Variants in LAMA1 observed in about 807,000 individuals in gnomAD.
LAMA1 encodes laminin subunit alpha 1.
In LAMA1, 219 loss-of-function variants were observed where a neutral mutation model predicts 348.7. The observed-to-expected ratio is 0.63, with a 90% confidence interval of 0.56 to 0.70. LAMA1 has a LOEUF of 0.70. LAMA1 is among the 30% of genes least tolerant of loss of function. The pLI, the probability that LAMA1 is intolerant of heterozygous loss-of-function variation, is 0.00. For missense variants in LAMA1, 3,744 were observed against 3,888.0 expected (o/e 0.96, Z 0.99); for synonymous variants, 1,487 against 1,491.0 (o/e 1.00, Z 0.06).
At chr18:6,988,917 C>T (rs1354423352) in intron 36 of LAMA1, among the ~76,000 whole-genome samples, 4 of 41,244 alleles carry the variant, frequency 9.7e-5, no homozygotes, top group East Asian at 6.0e-3. Flanking sequence ...AAAGAGTCAA[C>T]GTGGCGGGCT....
At chr18:7,072,143 T>A (rs965521752) in intron 3 of LAMA1, among the ~76,000 whole-genome samples, 1 of 152,354 alleles carries the variant, frequency 6.6e-6, no homozygotes, top group Non-Finnish European at 1.5e-5. Flanking sequence ...GAATAATTAT[T>A]GACTTATGAA....
chr18:7,049,125 G>T lies in LAMA1; in HGVS notation c.721C>A (p.Leu241Ile). The change falls in exon 5 of 63, where the codon CTT becomes ATT. Residue 241 changes from leucine (L) to isoleucine (I), a missense_variant. This residue lies in a region of LAMA1 where 1,529 missense variants were observed against 1,689.4 expected (regional missense o/e 0.91). Coordinates refer to ENST00000389658, the MANE Select transcript of LAMA1 (RefSeq NM_005559.4). The stretch of plus-strand genomic sequence containing the variant: ...AGTTCTTTAGGTTCCCGGTGGCTAA[G>T]GGTCATGAGATCTGCATTGAGCGTT... ...IRTLNADLMT[L>I]SHREPKELDP... is the part of the protein sequence containing the mutation. 1 of 1,614,146 alleles carries T rather than the reference G, an allele frequency of 6.2e-7. No individual in the cohort carries two copies. Among genetic ancestry groups the T allele is most frequent in the Non-Finnish European group, 8.5e-7 (1 of 1,180,034 alleles).
intron 51 of LAMA1, among the ~76,000 whole-genome samples, chr18:6,962,792 T>C (rs1435367479): frequency 2.0e-5 from 3 of 152,240 alleles, no homozygotes; most frequent in Non-Finnish European, 4.4e-5. Context: ...GTTGTTTACG[T>C]TGCATATCCA....
chr18:6,974,455 CTTTT>C (rs1213269695), intron 46 of LAMA1, among the ~76,000 whole-genome samples: 20 of 128,274 alleles, frequency 1.6e-4, no homozygotes, highest in African/African-American at 5.3e-4. Context: ...TATTTCTTTT[CTTTT>C]TTTTTTTTTT....
At chr18:6,965,688 C>T (rs1172691088) in intron 49 of LAMA1, 4 of 510,064 alleles carry the variant, frequency 7.8e-6, no homozygotes, top group Non-Finnish European at 1.4e-5. Context: ...CTCCTCGTAT[C>T]TTTTTCATTG....
chr18:6,965,461 G>A, intron 49 of LAMA1, 29 bp from the exon 50 acceptor site: 1 of 1,613,584 alleles, frequency 6.2e-7, no homozygotes, highest in Non-Finnish European at 8.5e-7. Context: ...AGTTCCCCAG[G>A]TTATAGCTTT....
At chr18:7,030,820 C>T (rs904979379) in intron 16 of LAMA1, among the ~76,000 whole-genome samples, 1 of 151,988 alleles carries the variant, frequency 6.6e-6, no homozygotes, top group South Asian at 2.1e-4. Context: ...AGAACCACAG[C>T]CTGCTGTACC....
intron 1 of LAMA1, among the ~76,000 whole-genome samples, chr18:7,102,133 C>A (rs2058293774): frequency 6.6e-6 from 1 of 152,020 alleles, no homozygotes; most frequent in African/African-American, 2.4e-5. Context: ...TAAAACACGG[C>A]CCATTTAAAT....
rs1452300585 is a variant in LAMA1, at chr18:7,009,338, G to A, written c.3902C>T (p.Ser1301Phe). 6.2e-7 allele frequency: 1 copy of A among 1,614,078 alleles called. No homozygotes were observed. The highest frequency in any genetic ancestry group is 2.2e-5 in the East Asian group (1 of 44,868). Residue 1301 changes from serine (S) to phenylalanine (F), a missense_variant, in exon 27 of 63, where the codon TCT becomes TTT. Coordinates refer to ENST00000389658, the MANE Select transcript of LAMA1 (RefSeq NM_005559.4). The stretch of plus-strand genomic sequence containing the variant: ...ATCCTCTCGCGTGACAGGTTTTTCA[G>A]AAACAGAGTTAAAATATTTCCAAAA... ...ENFWKYFNSV[S>F]EKPVTREDFM...
At chr18:7,005,841 C>T (rs914788115) in intron 29 of LAMA1, among the ~76,000 whole-genome samples, 1 of 152,106 alleles carries the variant, frequency 6.6e-6, no homozygotes, top group Admixed American at 6.5e-5. Context: ...GCCCAGACAC[C>T]ATTTTTTGTT....
intron 36 of LAMA1, among the ~76,000 whole-genome samples, chr18:6,987,795 TGATATAATTTTTAAC>T (rs1568019948): frequency 6.6e-6 from 1 of 152,210 alleles, no homozygotes; most frequent in South Asian, 2.1e-4. Flanking sequence ...TAATTTTTAA[TGATATAATTTTTAAC>T]GATAATAAAG....
intron 1 of LAMA1, among the ~76,000 whole-genome samples, chr18:7,101,659 C>A (rs574599543): frequency 1.3e-5 from 2 of 152,086 alleles, no homozygotes; most frequent in Non-Finnish European, 2.9e-5. Flanking sequence ...AAAGTGGATA[C>A]ACGTTTTATT....
In LAMA1 at chr18:6,961,093, A is replaced by G. The variant is rs189104387; in HGVS notation, c.7626+493T>C. Among the ~76,000 whole-genome samples the G allele has an allele frequency of 6.3e-3, 967 of 152,322 alleles. 10 individuals are homozygous for G. The highest frequency in any genetic ancestry group is 8.8e-3 in the Non-Finnish European group (598 of 68,032). On this transcript the variant is annotated intron_variant, in intron 53 of 62. Coordinates refer to ENST00000389658, the MANE Select transcript of LAMA1 (RefSeq NM_005559.4). ...CCTATGCTCTTGAAAAGGAACATAAATAAGGAAAATGGTCATCATTTCTCT... is the reference window on the plus strand; with the variant it reads ...CCTATGCTCTTGAAAAGGAACATAAGTAAGGAAAATGGTCATCATTTCTCT...
At chr18:7,021,483 T>C (rs540186090) in intron 19 of LAMA1, among the ~76,000 whole-genome samples, 1 of 152,242 alleles carries the variant, frequency 6.6e-6, no homozygotes, top group South Asian at 2.1e-4. Context: ...AATTGTAAAT[T>C]TTCTGTAATC....
chr18:6,997,868 ACACT>A lies in LAMA1; in HGVS notation c.4676_4679del (p.Glu1559ValfsTer2), dbSNP rs777848304. On this transcript the variant is annotated frameshift_variant, in exon 33 of 63. Transcript: ENST00000389658. LOFTEE classifies it high-confidence loss of function. ...CCAAGTCATTCAGCAGCACACCTACACACTCATCATCACAGGCTACAAGACAAAT... is the reference window on the plus strand; with the variant it reads ...CCAAGTCATTCAGCAGCACACCTACACATCATCACAGGCTACAAGACAAAT... 35 of 1,614,070 alleles carry A rather than the reference ACACT, an allele frequency of 2.2e-5. No homozygotes were observed. The highest frequency in any genetic ancestry group is 2.8e-5 in the Non-Finnish European group (33 of 1,180,048).
At position 7,024,471 on chromosome 18, in the gene LAMA1, C is replaced by T. The variant is rs1341426315; in HGVS notation, c.2403-5G>A. On this transcript the variant is annotated splice_polypyrimidine_tract_variant and splice_region_variant and intron_variant, in intron 17 of 62. Coordinates refer to ENST00000389658, the MANE Select transcript of LAMA1 (RefSeq NM_005559.4). ...AGGTGGCAGGTGGGGCTGAAACTGTCAAAACATTAGAAATGAACAAAATTT... is the reference window on the plus strand; with the variant it reads ...AGGTGGCAGGTGGGGCTGAAACTGTTAAAACATTAGAAATGAACAAAATTT... 2.5e-6 allele frequency: 4 copies of T among 1,612,636 alleles called. No individual in the cohort carries two copies. The highest frequency in any genetic ancestry group is 3.4e-6 in the Non-Finnish European group (4 of 1,179,070).
chr18:7,034,739 TAAAATA>T, intron 13 of LAMA1, 49 bp from the exon 14 acceptor site: 1 of 1,531,106 alleles, frequency 6.5e-7, no homozygotes. Context: ...AATTTAATGA[TAAAATA>T]AAAATAAAAT....
At chr18:7,082,739 G>A (rs1377751699) in intron 1 of LAMA1, among the ~76,000 whole-genome samples, 1 of 152,140 alleles carries the variant, frequency 6.6e-6, no homozygotes, top group Non-Finnish European at 1.5e-5. Flanking sequence ...TTACATACAT[G>A]CAATTAGATT....
At chr18:7,099,141 T>G (rs1480847439) in intron 1 of LAMA1, among the ~76,000 whole-genome samples, 3 of 151,710 alleles carry the variant, frequency 2.0e-5, no homozygotes, top group Non-Finnish European at 4.4e-5. Flanking sequence ...TCTTCTGCCT[T>G]GGGATCCTGT....
Sources: allele counts gnomAD v4.1 joint callset (sites outside exome capture counted in the v4.1 genomes callset), GRCh38; gene constraint gnomAD v4.1.1; regional missense constraint gnomAD v4.1.1; transcripts MANE v1.5; gene names NCBI Gene and HGNC (gene_info 2026-07-23, HGNC 2026-07-21).